Variants in LRP1B observed in about 807,000 individuals in gnomAD.
The protein encoded by LRP1B is low-density lipoprotein receptor-related protein 1B.
A neutral mutation model predicts 556.6 loss-of-function variants in LRP1B; 217 were observed. The ratio of observed to expected loss-of-function variants is 0.39; its 90% confidence interval spans 0.35 to 0.44. The LOEUF is 0.44. Ranked by LOEUF, LRP1B falls within the 20% of genes least tolerant of loss-of-function variation. The pLI is 1.00. For synonymous variants in LRP1B, 2,047 were observed against 1,865.8 expected, an observed-to-expected ratio of 1.10 and a Z score of -2.50; for missense variants, 5,053 against 5,620.8, an observed-to-expected ratio of 0.90 and a Z score of 3.23.
intron 2 of LRP1B, among the ~76,000 whole-genome samples, chr2:141,525,938 G>C (rs1271791467): frequency 6.6e-6 from 1 of 151,852 alleles, no homozygotes; most frequent in Non-Finnish European, 1.5e-5. Context: ...TTATTTTTTA[G>C]TTTTGCTGAA....
chr2:140,870,631 C>T lies in LRP1B; in HGVS notation c.4170-2368G>A, dbSNP rs550476087. On this transcript the variant is annotated intron_variant, in intron 25 of 90. Coordinates refer to ENST00000389484, the MANE Select transcript of LRP1B (RefSeq NM_018557.3). The stretch of plus-strand genomic sequence containing the variant: ...AAAAAGAGAAAGTAATGTTGCAGTA[C>T]ATTTTTCTATCAGGTCTGACAATAT... Among the ~76,000 whole-genome samples the T allele has an allele frequency of 1.4e-4, 21 of 152,226 alleles. No homozygotes were observed. The South Asian group carries it at 4.1e-3, about 30-fold the overall frequency.
chr2:141,312,621 A>G (rs958940141), intron 3 of LRP1B, among the ~76,000 whole-genome samples: 3 of 152,114 alleles, frequency 2.0e-5, no homozygotes, highest in African/African-American at 7.2e-5. Flanking sequence ...AAATTGACTA[A>G]GTTGCATTAG....
chr2:140,919,114 G>T (rs974919967), intron 21 of LRP1B, among the ~76,000 whole-genome samples: 6 of 151,716 alleles, frequency 4.0e-5, no homozygotes, highest in Non-Finnish European at 7.4e-5. Flanking sequence ...AATTTATTTT[G>T]TAATGACTGA....
intron 1 of LRP1B, among the ~76,000 whole-genome samples, chr2:142,054,294 G>A (rs1559045398): frequency 6.6e-6 from 1 of 152,064 alleles, no homozygotes; most frequent in African/African-American, 2.4e-5. Flanking sequence ...TGCTTAGAGT[G>A]GATAGAGTAC....
chr2:140,742,361 T>C (rs1688170758), intron 35 of LRP1B, among the ~76,000 whole-genome samples: 1 of 152,208 alleles, frequency 6.6e-6, no homozygotes, highest in African/African-American at 2.4e-5. Context: ...TGTTTAGTTC[T>C]AATTTTAAAA....
At chr2:141,891,140 C>A (rs1179896789) in intron 1 of LRP1B, among the ~76,000 whole-genome samples, 1 of 151,974 alleles carries the variant, frequency 6.6e-6, no homozygotes, top group Non-Finnish European at 1.5e-5. Flanking sequence ...GTTTTCTTTT[C>A]CTTTTTTTTA....
chr2:141,857,837 C>T (rs1157227308), intron 1 of LRP1B, among the ~76,000 whole-genome samples: 1 of 152,126 alleles, frequency 6.6e-6, no homozygotes, highest in Non-Finnish European at 1.5e-5. Flanking sequence ...CACAGAACAG[C>T]CTTCACCTGT....
In LRP1B at chr2:141,483,021, G is replaced by A. The variant is rs569246210; in HGVS notation, c.206-2488C>T. Among the ~76,000 whole-genome samples the A allele has an allele frequency of 7.9e-5, 12 of 151,986 alleles. No individual in the cohort carries two copies. The South Asian group carries it at 1.9e-3, about 24-fold the overall frequency. On this transcript the variant is annotated intron_variant, in intron 2 of 90. Coordinates refer to ENST00000389484, the MANE Select transcript of LRP1B (RefSeq NM_018557.3). The stretch of plus-strand genomic sequence containing the variant: ...GTACGTGTGCACAACGTGCAGGCCC[G>A]TTACATATGTATACATGTGTCATGT...
chr2:140,765,668 C>T (rs1330026350), intron 35 of LRP1B, among the ~76,000 whole-genome samples: 1 of 151,966 alleles, frequency 6.6e-6, no homozygotes, highest in African/African-American at 2.4e-5. Flanking sequence ...AGAATTGCTT[C>T]ATCTGGTAGA....
intron 2 of LRP1B, among the ~76,000 whole-genome samples, chr2:141,690,317 C>G (rs1691468659): frequency 6.8e-6 from 1 of 146,370 alleles, no homozygotes; most frequent in Admixed American, 7.0e-5. Flanking sequence ...TGCTGTGGTA[C>G]AGGTGTCCCA....
intron 1 of LRP1B, among the ~76,000 whole-genome samples, chr2:141,867,181 G>A (rs866803983): frequency 3.9e-5 from 6 of 152,248 alleles, no homozygotes; most frequent in African/African-American, 9.6e-5. Context: ...AGATAAAGAT[G>A]TAGTAAGACC....
chr2:141,235,060 G>A (rs1683601427), intron 5 of LRP1B, among the ~76,000 whole-genome samples: 1 of 151,842 alleles, frequency 6.6e-6, no homozygotes, highest in South Asian at 2.1e-4. Flanking sequence ...TCATATATCA[G>A]AAGAAACTGT....
chr2:141,170,167 C>G (rs1349599452), intron 7 of LRP1B, among the ~76,000 whole-genome samples: 1 of 152,058 alleles, frequency 6.6e-6, no homozygotes, highest in African/African-American at 2.4e-5. Context: ...TTTGGGGCAA[C>G]CAAGCCACCA....
intron 2 of LRP1B, among the ~76,000 whole-genome samples, chr2:141,489,287 C>A (rs1206264728): frequency 6.6e-6 from 1 of 151,644 alleles, no homozygotes; most frequent in Non-Finnish European, 1.5e-5. Flanking sequence ...TACACCTTGG[C>A]CTCTTTTATT....
At chr2:141,276,384 T>G (rs1364323902) in intron 3 of LRP1B, among the ~76,000 whole-genome samples, 3 of 152,120 alleles carry the variant, frequency 2.0e-5, no homozygotes, top group African/African-American at 7.2e-5. Flanking sequence ...GTATAGATTA[T>G]TTTGTCACTG....
At chr2:140,388,916 C>G (rs1469983586) in intron 66 of LRP1B, among the ~76,000 whole-genome samples, 1 of 152,104 alleles carries the variant, frequency 6.6e-6, no homozygotes, top group African/African-American at 2.4e-5. Context: ...TGAAGCTAGT[C>G]TATGATTCCA....
intron 7 of LRP1B, among the ~76,000 whole-genome samples, chr2:141,100,796 A>C (rs976519283): frequency 3.3e-5 from 5 of 151,974 alleles, no homozygotes; most frequent in African/African-American, 1.2e-4. Context: ...ACATGAAAAC[A>C]GATTTGTACT....
At chr2:141,569,218 T>C (rs1686444568) in intron 2 of LRP1B, among the ~76,000 whole-genome samples, 1 of 150,658 alleles carries the variant, frequency 6.6e-6, no homozygotes, top group South Asian at 2.1e-4. Flanking sequence ...ATATAAGAGG[T>C]AGAGAAAAAT....
chr2:140,974,116 T>C (rs557953833), intron 18 of LRP1B, among the ~76,000 whole-genome samples: 5 of 152,156 alleles, frequency 3.3e-5, no homozygotes, highest in Non-Finnish European at 7.3e-5. Context: ...ATTGATTCCA[T>C]GTAGCTTCAG....
Sources: gnomAD v4.1 joint callset for allele counts (sites outside exome capture counted in the v4.1 genomes callset) on GRCh38, gnomAD v4.1.1 for gene constraint, MANE v1.5 for transcripts, NCBI Gene and HGNC (gene_info 2026-07-23, HGNC 2026-07-21) for gene names.